The following PTPRT variants were observed in gnomAD, a reference collection of about 807,000 sequenced individuals.
The protein encoded by PTPRT is protein tyrosine phosphatase receptor type T.
A neutral mutation model predicts 176.8 loss-of-function variants in PTPRT; 56 were observed. The ratio of observed to expected loss-of-function variants is 0.32; its 90% confidence interval spans 0.26 to 0.40. The LOEUF is 0.40. PTPRT is among the 10% of genes least tolerant of loss of function. The pLI is 1.00. For synonymous variants in PTPRT, 783 were observed against 739.0 expected (o/e 1.06, Z -0.96); for missense variants, 1,540 against 1,908.2 (o/e 0.81, Z 3.60).
chr20:42,829,034 C>T (rs1386862440), intron 2 of PTPRT, among the ~76,000 whole-genome samples: 1 of 152,096 alleles, frequency 6.6e-6, no homozygotes, highest in Non-Finnish European at 1.5e-5. Flanking sequence ...ATCACAGGCA[C>T]TCCACACAAG....
chr20:42,368,400 A>G (rs2058543392), intron 9 of PTPRT, among the ~76,000 whole-genome samples: 1 of 152,170 alleles, frequency 6.6e-6, no homozygotes, highest in South Asian at 2.1e-4. Context: ...GCTTTAGCAG[A>G]TGTACCCTCC....
At chr20:42,249,873 A>T (rs1270822539) in intron 13 of PTPRT, among the ~76,000 whole-genome samples, 1 of 152,244 alleles carries the variant, frequency 6.6e-6, no homozygotes. Flanking sequence ...AGAGTAGTCC[A>T]GGGGTTATCA....
At chr20:42,242,716 TA>T (rs2146887958) in intron 14 of PTPRT, among the ~76,000 whole-genome samples, 1 of 152,254 alleles carries the variant, frequency 6.6e-6, no homozygotes, top group African/African-American at 2.4e-5. Context: ...ACTAAAAAGC[TA>T]AGAAGAACTA....
intron 1 of PTPRT, among the ~76,000 whole-genome samples, chr20:43,061,120 A>ATGGC (rs1987443994): frequency 6.6e-6 from 1 of 151,348 alleles, no homozygotes; most frequent in Non-Finnish European, 1.5e-5. Flanking sequence ...GGATGGATGG[A>ATGGC]TGGTCAGTCA....
intron 7 of PTPRT, among the ~76,000 whole-genome samples, chr20:42,615,059 T>C (rs574938225): frequency 7.2e-6 from 1 of 138,090 alleles, no homozygotes; most frequent in South Asian, 2.5e-4. Flanking sequence ...TAGCATTAGG[T>C]ATATCTCCCA....
chr20:42,424,346 A>T (rs2059144957), intron 9 of PTPRT, among the ~76,000 whole-genome samples: 1 of 152,158 alleles, frequency 6.6e-6, no homozygotes, highest in African/African-American at 2.4e-5. Flanking sequence ...AGGTTACTCC[A>T]AGGGCATTGT....
At chr20:42,382,279 G>A (rs1056869938) in intron 9 of PTPRT, among the ~76,000 whole-genome samples, 4 of 152,326 alleles carry the variant, frequency 2.6e-5, no homozygotes, top group African/African-American at 9.6e-5. Flanking sequence ...CTCTGGGCCT[G>A]AGCTAGCCTT....
At chr20:42,356,855 G>T (rs2058365452) in intron 9 of PTPRT, among the ~76,000 whole-genome samples, 1 of 152,108 alleles carries the variant, frequency 6.6e-6, no homozygotes, top group Non-Finnish European at 1.5e-5. Flanking sequence ...CCTTACTTCA[G>T]TACTAAAAAG....
chr20:42,837,766 A>T (rs1225738179), intron 2 of PTPRT, among the ~76,000 whole-genome samples: 1 of 152,220 alleles, frequency 6.6e-6, no homozygotes, highest in Non-Finnish European at 1.5e-5. Context: ...ACAAAAGTCC[A>T]GTGAAGAGTG....
At chr20:42,474,295 AAG>A (rs2071249345) in intron 7 of PTPRT, among the ~76,000 whole-genome samples, 1 of 152,168 alleles carries the variant, frequency 6.6e-6, no homozygotes, top group African/African-American at 2.4e-5. Context: ...AGCAATAAGA[AAG>A]AGGGGATGCT....
chr20:42,749,422 C>T (rs1339110268), intron 6 of PTPRT, among the ~76,000 whole-genome samples: 2 of 152,162 alleles, frequency 1.3e-5, no homozygotes, highest in Non-Finnish European at 2.9e-5. Flanking sequence ...TTGTTCCAAC[C>T]TCTGTACACC....
intron 6 of PTPRT, among the ~76,000 whole-genome samples, chr20:42,700,185 C>T (rs1020050636): frequency 2.6e-5 from 4 of 152,146 alleles, no homozygotes; most frequent in Non-Finnish European, 5.9e-5. Context: ...TCTGACAAAA[C>T]GAAACACAAA....
chr20:42,157,001 C>T (rs1043147564), intron 17 of PTPRT, among the ~76,000 whole-genome samples: 12 of 152,240 alleles, frequency 7.9e-5, no homozygotes, highest in African/African-American at 1.4e-4. Flanking sequence ...GTCCTTATAA[C>T]GGCTTGTAAT....
intron 17 of PTPRT, among the ~76,000 whole-genome samples, chr20:42,151,420 A>C (rs1989127112): frequency 1.3e-5 from 2 of 151,968 alleles, no homozygotes; most frequent in Admixed American, 1.3e-4. Flanking sequence ...TTCTTGTGTT[A>C]GTTTGCTGAG....
chr20:42,876,351 A>G (rs1182493261), intron 2 of PTPRT, among the ~76,000 whole-genome samples: 1 of 152,196 alleles, frequency 6.6e-6, no homozygotes, highest in Admixed American at 6.5e-5. Flanking sequence ...CCTCACATTA[A>G]AGGAAGAGTA....
chr20:42,303,446 T>C (rs575688083), intron 12 of PTPRT, among the ~76,000 whole-genome samples: 53 of 152,262 alleles, frequency 3.5e-4, no homozygotes, highest in South Asian at 1.9e-3. Context: ...AGTGCACCCA[T>C]ATTCCTCTAT....
intron 9 of PTPRT, among the ~76,000 whole-genome samples, chr20:42,354,858 A>G (rs2058336096): frequency 6.6e-6 from 1 of 151,994 alleles, no homozygotes; most frequent in African/African-American, 2.4e-5. Flanking sequence ...ATCCTTGAGG[A>G]GAGAGGTCAG....
chr20:42,675,881 A>C (rs1310270471), intron 7 of PTPRT, among the ~76,000 whole-genome samples: 1 of 152,200 alleles, frequency 6.6e-6, no homozygotes, highest in Non-Finnish European at 1.5e-5. Flanking sequence ...ATTCTGCTGG[A>C]TGGCTTTTAA....
At chr20:42,897,545 T>C (rs950009315) in intron 1 of PTPRT, among the ~76,000 whole-genome samples, 1 of 152,212 alleles carries the variant, frequency 6.6e-6, no homozygotes, top group African/African-American at 2.4e-5. Context: ...CCAAATCTGA[T>C]GCCTTCATGC....
Sources: allele counts gnomAD v4.1 joint callset (sites outside exome capture counted in the v4.1 genomes callset), GRCh38; gene constraint gnomAD v4.1.1; transcripts MANE v1.5; gene names NCBI Gene and HGNC (gene_info 2026-07-23, HGNC 2026-07-21).